Variants in NCOA2 observed in about 807,000 individuals in gnomAD.
NCOA2 encodes nuclear receptor coactivator 2.
NCOA2 carries 21 observed loss-of-function variants against 145.1 expected under a neutral mutation model. The ratio of observed to expected loss-of-function variants is 0.14; its 90% confidence interval spans 0.10 to 0.21. The LOEUF is 0.21. Ranked by LOEUF, NCOA2 falls within the 10% of genes least tolerant of loss-of-function variation. The pLI is 1.00. For missense variants in NCOA2, 1,472 were observed against 1,837.6 expected, an observed-to-expected ratio of 0.80 and a Z score of 3.64; for synonymous variants, 619 against 637.5, an observed-to-expected ratio of 0.97 and a Z score of 0.44.
At chr8:70,150,540 C>T (rs541538972) in intron 11 of NCOA2, among the ~76,000 whole-genome samples, 4 of 152,336 alleles carry the variant, frequency 2.6e-5, no homozygotes, top group Admixed American at 2.0e-4. Context: ...GATCACTCCA[C>T]TACGGCAGGT....
At chr8:70,331,433 A>G (rs1270058767) in intron 1 of NCOA2, among the ~76,000 whole-genome samples, 1 of 152,152 alleles carries the variant, frequency 6.6e-6, no homozygotes, top group Non-Finnish European at 1.5e-5. Context: ...TAATTTTTAA[A>G]TTGCTAAAAC....
intron 1 of NCOA2, among the ~76,000 whole-genome samples, chr8:70,340,475 T>C (rs546218585): frequency 6.6e-6 from 1 of 152,198 alleles, no homozygotes; most frequent in African/African-American, 2.4e-5. Context: ...GAGAAAAAGA[T>C]ATGCTTTTAC....
At chr8:70,287,574 T>G (rs531619725) in intron 2 of NCOA2, among the ~76,000 whole-genome samples, 2 of 152,248 alleles carry the variant, frequency 1.3e-5, no homozygotes, top group Non-Finnish European at 2.9e-5. Context: ...TGTTTTTCCA[T>G]CTTTCAAAAC....
intron 1 of NCOA2, among the ~76,000 whole-genome samples, chr8:70,342,096 A>G (rs1808192735): frequency 1.3e-5 from 2 of 152,180 alleles, no homozygotes; most frequent in Admixed American, 1.3e-4. Flanking sequence ...AATATACCTA[A>G]TACTTCCATG....
intron 1 of NCOA2, among the ~76,000 whole-genome samples, chr8:70,308,890 T>C (rs933349385): frequency 1.3e-5 from 2 of 152,220 alleles, no homozygotes; most frequent in African/African-American, 4.8e-5. Flanking sequence ...ATAAACTCTT[T>C]GCTGCTACTC....
intron 2 of NCOA2, among the ~76,000 whole-genome samples, chr8:70,293,851 A>G (rs2135708263): frequency 6.6e-6 from 1 of 152,284 alleles, no homozygotes; most frequent in African/African-American, 2.4e-5. Flanking sequence ...ATCATAGTTC[A>G]GTCTGTTCAA....
At chr8:70,224,431 T>A (rs1360021441) in intron 2 of NCOA2, among the ~76,000 whole-genome samples, 1 of 152,202 alleles carries the variant, frequency 6.6e-6, no homozygotes, top group Non-Finnish European at 1.5e-5. Context: ...TAAATGTAAC[T>A]TTGAGTCTCA....
intron 1 of NCOA2, among the ~76,000 whole-genome samples, chr8:70,311,798 G>T (rs1368776103): frequency 6.6e-6 from 1 of 152,082 alleles, no homozygotes; most frequent in Non-Finnish European, 1.5e-5. Flanking sequence ...TGGCACAATT[G>T]TCCCTAAATC....
At chr8:70,389,124 T>C (rs1285623643) in intron 1 of NCOA2, among the ~76,000 whole-genome samples, 4 of 152,168 alleles carry the variant, frequency 2.6e-5, no homozygotes, top group African/African-American at 4.8e-5. Flanking sequence ...ATTTTTGTTG[T>C]TCCCCCTTGT....
chr8:70,412,753 A>G, the NCOA2 span, among the ~76,000 whole-genome samples: 1 of 151,998 alleles, frequency 6.6e-6, no homozygotes, highest in Non-Finnish European at 1.5e-5. Context: ...GAATACAGAT[A>G]GACATAACAC....
At chr8:70,282,819 G>A (rs1350287648) in intron 2 of NCOA2, among the ~76,000 whole-genome samples, 1 of 152,096 alleles carries the variant, frequency 6.6e-6, no homozygotes, top group Non-Finnish European at 1.5e-5. Flanking sequence ...TAGGGTTGGT[G>A]TAATATTAAA....
chr8:70,258,388 T>C (rs1234996816), intron 2 of NCOA2, among the ~76,000 whole-genome samples: 3 of 152,170 alleles, frequency 2.0e-5, no homozygotes, highest in African/African-American at 7.2e-5. Context: ...ACTTTCAAGC[T>C]CTCATAAACG....
intron 7 of NCOA2, 59 bp from the exon 8 acceptor site, chr8:70,163,625 C>T: frequency 7.5e-7 from 1 of 1,325,852 alleles, no homozygotes; most frequent in Admixed American, 1.8e-5. Flanking sequence ...TCAAACAAAC[C>T]CAAGTGTATT....
chr8:70,183,181 T>C (rs1461408973), intron 4 of NCOA2, among the ~76,000 whole-genome samples: 2 of 152,012 alleles, frequency 1.3e-5, no homozygotes, highest in Non-Finnish European at 2.9e-5. Context: ...GCTTAGAAAG[T>C]TGAAAGGTGA....
chr8:70,208,535 T>C (rs758185925), intron 4 of NCOA2, among the ~76,000 whole-genome samples: 24 of 152,316 alleles, frequency 1.6e-4, no homozygotes, highest in Admixed American at 3.3e-4. Flanking sequence ...AGGACTTTCA[T>C]AGCTAGAGGA....
the NCOA2 span, among the ~76,000 whole-genome samples, chr8:70,409,044 T>C: frequency 6.6e-6 from 1 of 151,988 alleles, no homozygotes; most frequent in African/African-American, 2.4e-5. Context: ...TTTGAGACCA[T>C]CCTGGGCAAC....
chr8:70,127,484 G>A (rs774688285), intron 18 of NCOA2, among the ~76,000 whole-genome samples: 17 of 152,152 alleles, frequency 1.1e-4, no homozygotes, highest in Non-Finnish European at 2.4e-4. Context: ...AAAAGGCTGA[G>A]CAGAGGCAGG....
chr8:70,360,339 T>C lies in NCOA2; in HGVS notation c.-77+43361A>G, dbSNP rs78962789. 1.2e-3 allele frequency among the ~76,000 whole-genome samples: 181 copies of C among 152,314 alleles called. 1 individual carries two copies. In the East Asian group the frequency reaches 0.02, roughly 17 times the overall value. ...CTGGTACATTTTAATGAAAATTCAC[T>C]ATTTATACCTTCATCACCTTTCAAG... On this transcript the variant is annotated intron_variant, in intron 1 of 22. Coordinates refer to ENST00000452400, the MANE Select transcript of NCOA2 (RefSeq NM_006540.4).
intron 15 of NCOA2, among the ~76,000 whole-genome samples, chr8:70,133,220 T>TTTTTTG (rs1809360070): frequency 6.7e-6 from 1 of 149,768 alleles, no homozygotes; most frequent in South Asian, 2.1e-4. Context: ...TTTTTTTTTT[T>TTTTTTG]GGTAAAGACA....
Sources: gnomAD v4.1 joint callset for allele counts (sites outside exome capture counted in the v4.1 genomes callset) on GRCh38, gnomAD v4.1.1 for gene constraint, MANE v1.5 for transcripts, NCBI Gene and HGNC (gene_info 2026-07-23, HGNC 2026-07-21) for gene names.